ARFGEF1: variants seen among roughly 807,000 people sequenced by gnomAD.
ARFGEF1 encodes brefeldin A-inhibited guanine nucleotide-exchange protein 1.
ARFGEF1 carries 42 observed loss-of-function variants against 231.0 expected under a neutral mutation model. That is an observed-to-expected ratio of 0.18 (90% CI 0.14 to 0.24). ARFGEF1 has a LOEUF of 0.24. Among genes scored for constraint, ARFGEF1 ranks in the 10% least tolerant of loss-of-function variants. ARFGEF1 has a pLI of 1.00. For synonymous variants in ARFGEF1, 710 were observed against 732.3 expected, an observed-to-expected ratio of 0.97 and a Z score of 0.49; for missense variants, 1,345 against 2,192.0, an observed-to-expected ratio of 0.61 and a Z score of 7.72.
chr8:67,175,264 A>C, downstream of ARFGEF1: 1 of 1,527,146 alleles, frequency 6.5e-7, no homozygotes, highest in Non-Finnish European at 9.0e-7. Flanking sequence ...AACAACATTT[A>C]ACTTAGTTAT....
intron 35 of ARFGEF1, 45 bp downstream of exon 35, chr8:67,204,635 C>A (rs374524843): frequency 6.3e-7 from 1 of 1,583,586 alleles, no homozygotes; most frequent in Non-Finnish European, 8.6e-7. Flanking sequence ...CTATACCTAA[C>A]TTCCTACTTA....
chr8:67,221,692 T>A (rs1222522562), intron 29 of ARFGEF1, among the ~76,000 whole-genome samples: 3 of 152,136 alleles, frequency 2.0e-5, no homozygotes, highest in Non-Finnish European at 4.4e-5. Context: ...TAGCCTAAGT[T>A]TACAGTGTTT....
chr8:67,282,938 A>C (rs1587212882), intron 7 of ARFGEF1, among the ~76,000 whole-genome samples: 1 of 152,194 alleles, frequency 6.6e-6, no homozygotes, highest in Middle Eastern at 3.4e-3. Flanking sequence ...TTTACAATAC[A>C]CTGAACAAGG....
chr8:67,263,631 T>C (rs534961401), intron 14 of ARFGEF1, among the ~76,000 whole-genome samples: 5 of 152,306 alleles, frequency 3.3e-5, no homozygotes, highest in East Asian at 1.9e-4. Context: ...TAGTCTGGGA[T>C]GCTCTTCCTA....
At chr8:67,296,072 G>A (rs1341482177) in intron 5 of ARFGEF1, among the ~76,000 whole-genome samples, 2 of 152,068 alleles carry the variant, frequency 1.3e-5, no homozygotes, top group Non-Finnish European at 2.9e-5. Flanking sequence ...ACTTTTTTAA[G>A]GCTTAATGAA....
At position 67,217,902 on chromosome 8, in the gene ARFGEF1, C is replaced by A; in HGVS notation, c.4493G>T (p.Arg1498Leu). 1 of 1,613,718 alleles carries A rather than the reference C, an allele frequency of 6.2e-7. No homozygotes were observed. The highest frequency in any genetic ancestry group is 8.5e-7 in the Non-Finnish European group (1 of 1,179,830). Reference protein sequence around the residue: ...CVQQDNEQLARSGTNCLENVV... With the variant: ...CVQQDNEQLALSGTNCLENVV... ...ATTCTCTAAACAGTTTGTACCAGAT[C>A]GCGCTAACTGCTCATTGTCTAGGAA... The change falls in exon 32 of 39, where the codon CGA becomes CTA. Residue 1498 changes from arginine (R) to leucine (L), a missense_variant. This residue lies in a region of ARFGEF1 where 54 missense variants were observed against 86.5 expected (regional missense o/e 0.62). Coordinates refer to ENST00000262215, the MANE Select transcript of ARFGEF1 (RefSeq NM_006421.5).
intron 15 of ARFGEF1, among the ~76,000 whole-genome samples, chr8:67,259,036 G>T (rs77502869): frequency 6.6e-6 from 1 of 151,992 alleles, no homozygotes; most frequent in African/African-American, 2.4e-5. Flanking sequence ...ATGTAAATAG[G>T]TTTTCTGTAT....
chr8:67,181,338 A>ATT (rs58029238), intron 5 of ARFGEF1, among the ~76,000 whole-genome samples: 16 of 112,636 alleles, frequency 1.4e-4, no homozygotes, highest in African/African-American at 2.9e-4. Context: ...GTACCTGGCC[A>ATT]TTTTTTTTTT....
intron 7 of ARFGEF1, among the ~76,000 whole-genome samples, chr8:67,278,535 T>G (rs16933236): frequency 0.016 from 2,469 of 152,224 alleles, 71 homozygotes; most frequent in African/African-American, 0.057. Flanking sequence ...CTCTCCAAAT[T>G]AGAACACCCT....
At chr8:67,188,613 T>C (rs569950045) in intron 5 of ARFGEF1, among the ~76,000 whole-genome samples, 2 of 152,344 alleles carry the variant, frequency 1.3e-5, no homozygotes, top group South Asian at 4.1e-4. Flanking sequence ...CATGCTCTTC[T>C]GGTCCATGTT....
intron 6 of ARFGEF1, 91 bp downstream of exon 6, chr8:67,291,756 A>C (rs1197385703): frequency 2.0e-6 from 3 of 1,479,624 alleles, no homozygotes; most frequent in Non-Finnish European, 2.7e-6. Context: ...TTATTAAATC[A>C]TATTATCCTT....
chr8:67,236,358 AAAAAAAAATATATATATATAT>A (rs1215336500), intron 22 of ARFGEF1, among the ~76,000 whole-genome samples: 27 of 43,090 alleles, frequency 6.3e-4, no homozygotes, highest in African/African-American at 2.7e-3. Flanking sequence ...TTAAAAAAAA[AAAAAAAAATATATATATATAT>A]ATATATATAT....
intron 1 of ARFGEF1, among the ~76,000 whole-genome samples, chr8:67,309,914 A>G (rs1020907794): frequency 2.0e-5 from 3 of 152,176 alleles, no homozygotes; most frequent in African/African-American, 7.2e-5. Context: ...TTCATTTTCT[A>G]TTCTATTAAA....
At chr8:67,328,650 T>C (rs1807951666) in intron 1 of ARFGEF1, among the ~76,000 whole-genome samples, 1 of 152,224 alleles carries the variant, frequency 6.6e-6, no homozygotes, top group Non-Finnish European at 1.5e-5. Flanking sequence ...TGTTCTACCA[T>C]GTAGTGAATT....
intron 6 of ARFGEF1, 148 bp downstream of exon 6, chr8:67,291,699 A>G: frequency 9.7e-7 from 1 of 1,029,194 alleles, no homozygotes; most frequent in Non-Finnish European, 1.4e-6. Context: ...TAATTTTACC[A>G]CCTACAATGA....
rs1839411994 is a variant in ARFGEF1, at chr8:67,227,430, T to G, written c.3743+17A>C. On this transcript the variant is annotated intron_variant, in intron 26 of 38. Transcript: ENST00000262215. The stretch of plus-strand genomic sequence containing the variant: ...ACAAGATTTTCCTTCTATTAAGCAA[T>G]TCAACAAATATAGTACCTGTTCCGT... 6.2e-7 allele frequency: 1 copy of G among 1,608,424 alleles called. No individual in the cohort carries two copies. The highest frequency in any genetic ancestry group is 1.3e-5 in the African/African-American group (1 of 74,632).
intron 5 of ARFGEF1, among the ~76,000 whole-genome samples, chr8:67,190,146 G>A (rs563217792): frequency 2.6e-5 from 4 of 152,158 alleles, no homozygotes; most frequent in Admixed American, 2.6e-4. Context: ...TCATAGCAGT[G>A]TTATTCATAA....
chr8:67,331,064 T>TA (rs910898239), intron 1 of ARFGEF1, among the ~76,000 whole-genome samples: 28 of 151,300 alleles, frequency 1.9e-4, no homozygotes, highest in South Asian at 2.1e-4. Context: ...GTAATATTAT[T>TA]AAAAAAAAAT....
rs1333026992 is a variant in ARFGEF1, at chr8:67,343,146, G to A, written c.124+18C>T. The A allele has an allele frequency of 2.8e-6, 3 of 1,056,156 alleles. No individual in the cohort carries two copies. The highest frequency in any genetic ancestry group is 3.7e-6 in the Non-Finnish European group (3 of 801,880). 65.4% of individuals were successfully genotyped at this position (1,056,156 alleles called of 1,614,324 possible). ...CCCACAACAAGCACCCCATCCCCCG[G>A]GCCTCCTCCCCGCTCACCTAACGCC... On this transcript the variant is annotated intron_variant, in intron 1 of 38. Coordinates refer to ENST00000262215, the MANE Select transcript of ARFGEF1 (RefSeq NM_006421.5).
Sources: gnomAD v4.1 joint callset for allele counts (sites outside exome capture counted in the v4.1 genomes callset) on GRCh38, gnomAD v4.1.1 for gene constraint, gnomAD v4.1.1 regional missense constraint, MANE v1.5 for transcripts, NCBI Gene and HGNC (gene_info 2026-07-23, HGNC 2026-07-21) for gene names.